The following SLC16A7 variants were observed in gnomAD, a reference collection of about 807,000 sequenced individuals.
SLC16A7 encodes monocarboxylate transporter 2.
A neutral mutation model predicts 34.9 loss-of-function variants in SLC16A7; 33 were observed. The ratio of observed to expected loss-of-function variants is 0.94; its 90% confidence interval spans 0.72 to 1.26. SLC16A7 has a LOEUF of 1.26. Ranked by LOEUF, SLC16A7 falls within the 50% of genes most tolerant of loss-of-function variation. The probability of loss-of-function intolerance (pLI) is 0.00; values close to 1 mark genes in which losing one functional copy is unlikely to be tolerated. For missense variants in SLC16A7, 573 were observed against 578.1 expected (o/e 0.99, Z 0.09); for synonymous variants, 201 against 206.6 (o/e 0.97, Z 0.23).
rs1280830347 is a variant in SLC16A7, at chr12:59,789,658, T to G, written c.*9979T>G. On this transcript the variant is annotated 3_prime_UTR_variant, in exon 6 of 6. Transcript: ENST00000547379. Reference sequence around the variant, plus strand: ...TTGTCTGAATTATGCAGTTTAACCCTGTCCATGTTCCTCTGTACTCTATTC... The same window carrying G: ...TTGTCTGAATTATGCAGTTTAACCCGGTCCATGTTCCTCTGTACTCTATTC... 1 of 152,154 alleles carries G rather than the reference T, an allele frequency of 6.6e-6. No homozygotes were observed. The highest frequency in any genetic ancestry group is 1.5e-5 in the Non-Finnish European group (1 of 68,012). The allele number at this position is 152,154 out of a possible 1,614,324, so 9.4% of individuals were successfully genotyped here. A position where few individuals can be genotyped will look rare whatever the true frequency, so the allele number is the denominator to read the frequency against.
In SLC16A7 at chr12:59,645,480, C is replaced by T. The variant is rs773228800; in HGVS notation, c.-129-9672C>T. 5.3e-5 allele frequency among the ~76,000 whole-genome samples: 8 copies of T among 152,138 alleles called. No homozygotes were observed. The South Asian group carries it at 8.3e-4, about 16-fold the overall frequency. ...CCTTTGCTTGTGTCACATTCTTCTTCTTCCTGCTGCCAAGTGAAGAAGGAT... is the reference window on the plus strand; with the variant it reads ...CCTTTGCTTGTGTCACATTCTTCTTTTTCCTGCTGCCAAGTGAAGAAGGAT... On this transcript the variant is annotated intron_variant, in intron 1 of 5. Transcript: ENST00000547379.
At position 59,674,874 on chromosome 12, in the gene SLC16A7, G is replaced by A. The variant is rs540924886; in HGVS notation, c.-31+19624G>A. On this transcript the variant is annotated intron_variant, in intron 2 of 5. Transcript: ENST00000547379. Reference sequence around the variant, plus strand: ...TGATATTCTCGTATCCCAGATTACAGTGGATACAATGGGACAGAAGATAGA... The same window carrying A: ...TGATATTCTCGTATCCCAGATTACAATGGATACAATGGGACAGAAGATAGA... Among the ~76,000 whole-genome samples, 25 of 152,326 alleles carry A rather than the reference G, an allele frequency of 1.6e-4. No homozygotes were observed. The South Asian group carries it at 4.1e-3, about 25-fold the overall frequency.
chr12:59,722,685 C>T (rs894018081), intron 3 of SLC16A7, among the ~76,000 whole-genome samples: 1 of 151,882 alleles, frequency 6.6e-6, no homozygotes, highest in Non-Finnish European at 1.5e-5. Flanking sequence ...TTCTTTCAGG[C>T]CTTTACTCAA....
intron 4 of SLC16A7, among the ~76,000 whole-genome samples, chr12:59,772,361 C>G (rs1362313709): frequency 1.3e-5 from 2 of 152,064 alleles, no homozygotes; most frequent in Non-Finnish European, 2.9e-5. Context: ...AAGAGAGTGC[C>G]TTTTCTTTTG....
At chr12:59,638,020 C>G (rs1231937906) in intron 1 of SLC16A7, among the ~76,000 whole-genome samples, 2 of 152,116 alleles carry the variant, frequency 1.3e-5, no homozygotes, top group Non-Finnish European at 1.5e-5. Flanking sequence ...AGATAAACTT[C>G]TATTGCTTAG....
intron 1 of SLC16A7, among the ~76,000 whole-genome samples, chr12:59,611,454 G>GAACTACAT (rs1455461627): frequency 9.9e-5 from 15 of 152,100 alleles, no homozygotes; most frequent in African/African-American, 3.6e-4. Context: ...GACATGTGGG[G>GAACTACAT]GATTCTAGGA....
At chr12:59,639,963 T>C (rs548759153) in intron 1 of SLC16A7, among the ~76,000 whole-genome samples, 23 of 152,222 alleles carry the variant, frequency 1.5e-4, no homozygotes, top group Non-Finnish European at 2.8e-4. Flanking sequence ...GGATTCCAGC[T>C]CCTTACTCAG....
intron 1 of SLC16A7, among the ~76,000 whole-genome samples, chr12:59,617,895 ATC>A (rs1252511567): frequency 6.6e-6 from 1 of 151,950 alleles, no homozygotes; most frequent in Non-Finnish European, 1.5e-5. Context: ...TTTTACTGAC[ATC>A]TTGATTTTCC....
intron 3 of SLC16A7, among the ~76,000 whole-genome samples, chr12:59,732,355 G>GT (rs1877052981): frequency 6.6e-6 from 1 of 152,182 alleles, no homozygotes; most frequent in South Asian, 2.1e-4. Flanking sequence ...GGGAGGTGGA[G>GT]GTTGAAGTGA....
At chr12:59,665,809 CGTGTGTGT>C (rs34983187) in intron 2 of SLC16A7, among the ~76,000 whole-genome samples, 28 of 142,984 alleles carry the variant, frequency 2.0e-4, no homozygotes, top group African/African-American at 4.8e-4. Context: ...ATATATAACA[CGTGTGTGT>C]GTGTGTGTGT....
chr12:59,704,878 C>A lies in SLC16A7; in HGVS notation c.77C>A (p.Ala26Asp), dbSNP rs1372267518. Residue 26 changes from alanine to aspartate, a missense_variant, in exon 3 of 6, where the codon GCT becomes GAT. Ala to Asp is a moderately radical substitution (Grantham distance 126). Coordinates refer to ENST00000547379, the MANE Select transcript of SLC16A7 (RefSeq NM_001270623.2). The stretch of plus-strand genomic sequence containing the variant: ...TGGGGTTGGATTGTGGTTGGAGCAG[C>A]TTTTATCTCCATTGGATTTTCCTAT... ...GGWGWIVVGAAFISIGFSYAF... is the reference protein window; with the variant it reads ...GGWGWIVVGADFISIGFSYAF... 3 of 1,613,778 alleles carry A rather than the reference C, an allele frequency of 1.9e-6. No individual in the cohort carries two copies. Among genetic ancestry groups the A allele is most frequent in the Non-Finnish European group, 2.5e-6 (3 of 1,179,860 alleles).
chr12:59,679,223 G>T (rs145906342), intron 2 of SLC16A7, among the ~76,000 whole-genome samples: 18 of 152,282 alleles, frequency 1.2e-4, no homozygotes, highest in Admixed American at 3.3e-4. Context: ...CGGGTCCCCA[G>T]CCATGGCTCA....
intron 3 of SLC16A7, among the ~76,000 whole-genome samples, chr12:59,756,152 G>T (rs1880313230): frequency 6.6e-6 from 1 of 152,028 alleles, no homozygotes; most frequent in African/African-American, 2.4e-5. Context: ...ACCATAAAAA[G>T]CCTAGAAGAA....
rs565429098 is a variant in SLC16A7, at chr12:59,766,333, G to A, written c.218-4886G>A. Among the ~76,000 whole-genome samples, 186 of 152,214 alleles carry A rather than the reference G, an allele frequency of 1.2e-3. 1 individual carries two copies. The highest frequency in any genetic ancestry group is 1.0e-3 in the Non-Finnish European group (68 of 68,004). ...TGAATGCCGTTTATTTCCTTCTCCT[G>A]CCTGATTGCCCTGGCCAGAACTTCC... On this transcript the variant is annotated intron_variant, in intron 3 of 5. Transcript: ENST00000547379.
intron 3 of SLC16A7, among the ~76,000 whole-genome samples, chr12:59,745,114 A>C (rs1452712719): frequency 1.3e-5 from 2 of 152,146 alleles, no homozygotes; most frequent in African/African-American, 4.8e-5. Context: ...CATCTCCCTC[A>C]TCACCTTCAT....
chr12:59,640,350 T>A (rs1880624588), intron 1 of SLC16A7, among the ~76,000 whole-genome samples: 1 of 152,176 alleles, frequency 6.6e-6, no homozygotes. Context: ...TTAGAACTTT[T>A]GTGTCCTATT....
At chr12:59,603,486 C>T (rs1301107144) in intron 1 of SLC16A7, among the ~76,000 whole-genome samples, 1 of 152,142 alleles carries the variant, frequency 6.6e-6, no homozygotes, top group East Asian at 1.9e-4. Flanking sequence ...ATGAATCTAA[C>T]GTCCTACGAT....
rs896407929 is a variant in SLC16A7 at position 59,784,550 on chromosome 12, G to A, written c.*4871G>A. On this transcript the variant is annotated 3_prime_UTR_variant, in exon 6 of 6. Transcript: ENST00000547379. Reference sequence around the variant, plus strand: ...CATTTAATACAACTTACCCTACACCGTAGCTTATTTTTCAAGTTTCTCTGA... The same window carrying A: ...CATTTAATACAACTTACCCTACACCATAGCTTATTTTTCAAGTTTCTCTGA... 3.9e-5 allele frequency: 6 copies of A among 151,984 alleles called. No individual in the cohort carries two copies. The highest frequency in any genetic ancestry group is 1.2e-4 in the African/African-American group (5 of 41,370). 9.4% of individuals were successfully genotyped at this position (151,984 alleles called of 1,614,324 possible).
chr12:59,722,914 A>G (rs934994714), intron 3 of SLC16A7, among the ~76,000 whole-genome samples: 4 of 151,956 alleles, frequency 2.6e-5, no homozygotes, highest in Non-Finnish European at 5.9e-5. Context: ...CACTAGTCAC[A>G]TGTAGCTATT....
Sources: allele counts gnomAD v4.1 joint callset (sites outside exome capture counted in the v4.1 genomes callset), GRCh38; gene constraint gnomAD v4.1.1; transcripts MANE v1.5; gene names NCBI Gene and HGNC (gene_info 2026-07-23, HGNC 2026-07-21).